Variants in FGF14 observed in about 807,000 individuals in gnomAD.
The protein encoded by FGF14 is fibroblast growth factor 14.
In FGF14, 5 loss-of-function variants were observed where a neutral mutation model predicts 25.5. The ratio of observed to expected loss-of-function variants is 0.20; its 90% confidence interval spans 0.10 to 0.41. The LOEUF is 0.41. Among genes scored for constraint, FGF14 ranks in the 10% least tolerant of loss-of-function variants. The probability of loss-of-function intolerance (pLI) is 1.00; values close to 1 mark genes in which losing one functional copy is unlikely to be tolerated. For synonymous variants in FGF14, 138 were observed against 118.3 expected (o/e 1.17, Z -1.08); for missense variants, 222 against 320.1 (o/e 0.69, Z 2.34).
intron 1 of FGF14, among the ~76,000 whole-genome samples, chr13:102,018,277 A>T (rs112614729): frequency 4.0e-3 from 603 of 152,226 alleles, no homozygotes; most frequent in Non-Finnish European, 6.6e-3. Flanking sequence ...TTTGTACACC[A>T]CCTGGTGTTT....
chr13:102,249,015 G>T (rs538130721), intron 1 of FGF14, among the ~76,000 whole-genome samples: 2 of 152,244 alleles, frequency 1.3e-5, no homozygotes, highest in Non-Finnish European at 2.9e-5. Flanking sequence ...GGGAAAGAAA[G>T]AATTGAGTTT....
intron 3 of FGF14, among the ~76,000 whole-genome samples, chr13:101,822,448 A>G (rs1420513899): frequency 6.6e-6 from 1 of 151,990 alleles, no homozygotes; most frequent in Non-Finnish European, 1.5e-5. Context: ...CTTCAATAAC[A>G]TTGACATTTC....
chr13:102,338,383 G>A (rs2056849321), intron 1 of FGF14, among the ~76,000 whole-genome samples: 2 of 152,172 alleles, frequency 1.3e-5, no homozygotes, highest in Admixed American at 6.5e-5. Context: ...AAGGAGACTG[G>A]AGAATCCTGC....
chr13:102,132,353 C>T (rs1305593236), intron 1 of FGF14, among the ~76,000 whole-genome samples: 1 of 152,108 alleles, frequency 6.6e-6, no homozygotes, highest in Non-Finnish European at 1.5e-5. Context: ...TAAAACATTA[C>T]ATATTGGTAC....
intron 1 of FGF14, among the ~76,000 whole-genome samples, chr13:101,940,047 G>A (rs2035344854): frequency 6.6e-6 from 1 of 152,186 alleles, no homozygotes; most frequent in African/African-American, 2.4e-5. Flanking sequence ...CTCCTTAACT[G>A]GCAAAATGGC....
At chr13:101,912,337 A>G (rs1001153751) in intron 1 of FGF14, among the ~76,000 whole-genome samples, 4 of 152,196 alleles carry the variant, frequency 2.6e-5, no homozygotes, top group African/African-American at 9.6e-5. Flanking sequence ...TCTCATGATC[A>G]CAGCCCCAAA....
intron 3 of FGF14, among the ~76,000 whole-genome samples, chr13:101,856,858 A>G (rs1008828352): frequency 5.3e-5 from 8 of 152,022 alleles, no homozygotes; most frequent in African/African-American, 1.7e-4. Flanking sequence ...CTTTTGAACC[A>G]TAACACAGTA....
At chr13:101,735,135 C>T (rs2036089352) in intron 3 of FGF14, among the ~76,000 whole-genome samples, 2 of 152,194 alleles carry the variant, frequency 1.3e-5, no homozygotes, top group African/African-American at 4.8e-5. Context: ...CAAAACTAAC[C>T]TATTCCTAGA....
intron 3 of FGF14, among the ~76,000 whole-genome samples, chr13:101,822,639 T>TA (rs1201408457): frequency 6.6e-6 from 1 of 152,186 alleles, no homozygotes; most frequent in Non-Finnish European, 1.5e-5. Flanking sequence ...GTACATATGA[T>TA]ATTTTGATAT....
At chr13:101,743,896 T>C (rs755811105) in intron 3 of FGF14, among the ~76,000 whole-genome samples, 1 of 152,150 alleles carries the variant, frequency 6.6e-6, no homozygotes, top group African/African-American at 2.4e-5. Context: ...AGCACTCTAT[T>C]TGAATATAGT....
At chr13:102,197,117 C>A (rs1353566549) in intron 1 of FGF14, among the ~76,000 whole-genome samples, 3 of 152,144 alleles carry the variant, frequency 2.0e-5, no homozygotes, top group Non-Finnish European at 4.4e-5. Context: ...ATTGTAAGAA[C>A]AGGTATTCAT....
intron 3 of FGF14, among the ~76,000 whole-genome samples, chr13:101,814,596 C>T (rs1371410400): frequency 6.6e-6 from 1 of 152,174 alleles, no homozygotes; most frequent in Non-Finnish European, 1.5e-5. Flanking sequence ...ATCCCTACCC[C>T]CAAGTGACTG....
chr13:101,738,813 T>C (rs1015430751), intron 3 of FGF14, among the ~76,000 whole-genome samples: 2 of 151,744 alleles, frequency 1.3e-5, no homozygotes, highest in Non-Finnish European at 2.9e-5. Flanking sequence ...TGTGAGACTA[T>C]AAAGTGGGAA....
At chr13:101,915,238 A>T (rs970920626) in intron 1 of FGF14, among the ~76,000 whole-genome samples, 3 of 151,354 alleles carry the variant, frequency 2.0e-5, no homozygotes, top group African/African-American at 4.8e-5. Flanking sequence ...ATTAGCCTTT[A>T]AAAAAAAAGC....
intron 1 of FGF14, among the ~76,000 whole-genome samples, chr13:102,218,722 T>G (rs1395888427): frequency 6.6e-6 from 1 of 152,138 alleles, no homozygotes; most frequent in Non-Finnish European, 1.5e-5. Context: ...GTCACCACCT[T>G]GGGGTGTTTT....
At chr13:101,752,358 G>T (rs2037343189) in intron 3 of FGF14, among the ~76,000 whole-genome samples, 1 of 152,136 alleles carries the variant, frequency 6.6e-6, no homozygotes, top group Non-Finnish European at 1.5e-5. Context: ...GTTAGAATTT[G>T]ATGTAAATGA....
intron 1 of FGF14, among the ~76,000 whole-genome samples, chr13:101,903,422 G>A (rs981956524): frequency 4.6e-5 from 7 of 152,110 alleles, no homozygotes; most frequent in African/African-American, 9.6e-5. Context: ...GTACAGATTC[G>A]AACCCTAGAA....
chr13:101,887,000 C>G (rs1157435158), intron 1 of FGF14, among the ~76,000 whole-genome samples: 4 of 152,090 alleles, frequency 2.6e-5, no homozygotes, highest in Non-Finnish European at 2.9e-5. Flanking sequence ...GAGATACTAT[C>G]TCACCCCAGT....
chr13:101,883,918 C>T (rs1805432739), intron 1 of FGF14, among the ~76,000 whole-genome samples: 1 of 150,758 alleles, frequency 6.6e-6, no homozygotes, highest in Non-Finnish European at 1.5e-5. Context: ...CAAAAATTAG[C>T]CGGGTGTGGT....
Sources: gnomAD v4.1 joint callset for allele counts (sites outside exome capture counted in the v4.1 genomes callset) on GRCh38, gnomAD v4.1.1 for gene constraint, MANE v1.5 for transcripts, NCBI Gene and HGNC (gene_info 2026-07-23, HGNC 2026-07-21) for gene names.